The following ADGRV1 variants were observed in gnomAD, a reference collection of about 807,000 sequenced individuals.
The protein encoded by ADGRV1 is G-protein coupled receptor 98.
ADGRV1 carries 359 observed loss-of-function variants against 596.2 expected under a neutral mutation model. The observed-to-expected ratio is 0.60, with a 90% CI of 0.55 to 0.66. The LOEUF (loss-of-function observed/expected upper bound fraction) is 0.66, where lower values mean the gene tolerates loss of function less well. Ranked by LOEUF, ADGRV1 falls within the 30% of genes least tolerant of loss-of-function variation. The pLI, the probability that ADGRV1 is intolerant of heterozygous loss-of-function variation, is 0.00. For missense variants in ADGRV1, 7,274 were observed against 7,575.6 expected (o/e 0.96, Z 1.48); for synonymous variants, 2,681 against 2,679.2 (o/e 1.00, Z -0.02).
intron 84 of ADGRV1, among the ~76,000 whole-genome samples, chr5:90,974,943 C>T (rs6889021): frequency 0.5 from 76,062 of 151,884 alleles, 20,646 homozygotes; most frequent in African/African-American, 0.71. Context: ...AGTTTTGCAA[C>T]CTACTCATCT....
intron 82 of ADGRV1, among the ~76,000 whole-genome samples, chr5:90,858,101 A>G (rs1328227968): frequency 6.6e-6 from 1 of 152,202 alleles, no homozygotes; most frequent in Non-Finnish European, 1.5e-5. Context: ...AGAAAAGGGC[A>G]TATACCTGTG....
intron 85 of ADGRV1, among the ~76,000 whole-genome samples, chr5:91,015,753 C>G (rs554027741): frequency 4.0e-5 from 6 of 151,886 alleles, no homozygotes; most frequent in Non-Finnish European, 8.8e-5. Context: ...TTCCATCTCT[C>G]TATTTTGAGC....
At chr5:90,982,921 C>T (rs1780200635) in intron 84 of ADGRV1, among the ~76,000 whole-genome samples, 1 of 152,180 alleles carries the variant, frequency 6.6e-6, no homozygotes, top group Non-Finnish European at 1.5e-5. Flanking sequence ...TACCACACTA[C>T]ATTAAAATAA....
intron 83 of ADGRV1, among the ~76,000 whole-genome samples, chr5:90,877,585 G>GT (rs72003963): frequency 0.037 from 5,237 of 139,986 alleles, 149 homozygotes; most frequent in South Asian, 0.15. Context: ...TCAGTGTGTG[G>GT]TTTTTTTTTT....
intron 85 of ADGRV1, among the ~76,000 whole-genome samples, chr5:91,016,253 G>A (rs1282053795): frequency 6.6e-6 from 1 of 151,916 alleles, no homozygotes; most frequent in Non-Finnish European, 1.5e-5. Context: ...GTTTTTTAAG[G>A]ATTTATTCAT....
At position 91,138,283 on chromosome 5, in the gene ADGRV1, A is replaced by G. The variant is rs190844310; in HGVS notation, c.18433-11747A>G. 1.9e-3 allele frequency among the ~76,000 whole-genome samples: 288 copies of G among 151,490 alleles called. 3 individuals carry two copies. The highest frequency in any genetic ancestry group is 0.016 in the Admixed American group (251 of 15,242). ...AGAAATTGTAATTTTACAAAAGTTT[A>G]TATCCAAGCTGGAGTGGTTATTTCT... On this transcript the variant is annotated intron_variant, in intron 87 of 89. Coordinates refer to ENST00000405460, the MANE Select transcript of ADGRV1 (RefSeq NM_032119.4).
chr5:90,638,147 G>A (rs1766479610), intron 11 of ADGRV1, among the ~76,000 whole-genome samples, 199 bp downstream of exon 11: 1 of 151,388 alleles, frequency 6.6e-6, no homozygotes, highest in African/African-American at 2.4e-5. Context: ...ATCTTTCAGT[G>A]AATTTTTACC....
intron 83 of ADGRV1, among the ~76,000 whole-genome samples, chr5:90,940,573 C>G (rs1298912815): frequency 2.0e-5 from 3 of 151,904 alleles, no homozygotes; most frequent in African/African-American, 7.3e-5. Context: ...TTTCAGGTAA[C>G]CAGGTCAATA....
At chr5:90,958,926 A>C (rs1777737713) in intron 83 of ADGRV1, among the ~76,000 whole-genome samples, 1 of 152,178 alleles carries the variant, frequency 6.6e-6, no homozygotes, top group African/African-American at 2.4e-5. Context: ...ATTAGAAACA[A>C]AACAAAGATG....
intron 74 of ADGRV1, 43 bp downstream of exon 74, chr5:90,811,381 T>A: frequency 1.4e-6 from 2 of 1,477,792 alleles, no homozygotes; most frequent in Non-Finnish European, 1.8e-6. Context: ...ACTTTTATGG[T>A]ACATAATTTG....
In ADGRV1 at chr5:91,054,100, T is replaced by TGA. The variant is rs1235694348; in HGVS notation, c.18153-18346_18153-18345insAG. 2.2e-3 allele frequency among the ~76,000 whole-genome samples: 235 copies of TGA among 108,264 alleles called. 1 individual carries two copies. The highest frequency in any genetic ancestry group is 6.3e-3 in the African/African-American group (184 of 29,102). 71.0% of individuals were successfully genotyped at this position (108,264 alleles called of 152,430 possible). On this transcript the variant is annotated intron_variant, in intron 85 of 89. Transcript: ENST00000405460. ...GTGTGTGTGTGTGTGTGTGTGTGTG[T>TGA]GTGAGAGAGAGAGAGAGAGAGAGAG...
intron 85 of ADGRV1, among the ~76,000 whole-genome samples, chr5:90,998,107 T>C (rs1781562594): frequency 6.6e-6 from 1 of 152,234 alleles, no homozygotes; most frequent in Non-Finnish European, 1.5e-5. Flanking sequence ...CCTTTTCTTC[T>C]GCACTCATGT....
At position 90,908,796 on chromosome 5, in the gene ADGRV1, C is replaced by G. The variant is rs1772563327; in HGVS notation, c.17856+44939C>G. Among the ~76,000 whole-genome samples the G allele has an allele frequency of 2.6e-5, 4 of 152,254 alleles. No homozygotes were observed. In the South Asian group the frequency reaches 8.3e-4, roughly 32 times the overall value. ...AAGTGTAACATGAATCCATAGCTCT[C>G]CAGGTGTTTGGAATCTCTTTGGAGG... On this transcript the variant is annotated intron_variant, in intron 83 of 89. Coordinates refer to ENST00000405460, the MANE Select transcript of ADGRV1 (RefSeq NM_032119.4).
At chr5:91,016,705 A>T (rs1207650551) in intron 85 of ADGRV1, among the ~76,000 whole-genome samples, 1 of 151,944 alleles carries the variant, frequency 6.6e-6, no homozygotes, top group Non-Finnish European at 1.5e-5. Context: ...ATGGAATAAA[A>T]GATAATGTGA....
intron 43 of ADGRV1, among the ~76,000 whole-genome samples, chr5:90,718,806 AC>A (rs1750511288): frequency 6.6e-6 from 1 of 151,206 alleles, no homozygotes; most frequent in Non-Finnish European, 1.5e-5. Context: ...TTTTACTGTG[AC>A]TTTTTTCATA....
At chr5:90,613,476 T>A (rs1762960571) in intron 1 of ADGRV1, among the ~76,000 whole-genome samples, 1 of 152,100 alleles carries the variant, frequency 6.6e-6, no homozygotes, top group Non-Finnish European at 1.5e-5. Context: ...TTCCTTTCTT[T>A]CCATGAACAT....
At chr5:90,813,471 C>T (rs1175988607) in intron 74 of ADGRV1, among the ~76,000 whole-genome samples, 1 of 152,158 alleles carries the variant, frequency 6.6e-6, no homozygotes, top group Non-Finnish European at 1.5e-5. Context: ...ACAATATAGC[C>T]TACCAGTGCC....
At chr5:90,869,448 T>C (rs1175659397) in intron 83 of ADGRV1, among the ~76,000 whole-genome samples, 2 of 152,048 alleles carry the variant, frequency 1.3e-5, no homozygotes, top group African/African-American at 2.4e-5. Context: ...GAAAGGAGTA[T>C]TTTTAAGGAT....
chr5:90,729,875 T>C (rs1752315443), intron 50 of ADGRV1, 111 bp downstream of exon 50: 5 of 1,141,006 alleles, frequency 4.4e-6, no homozygotes, highest in South Asian at 4.3e-5. Context: ...TGGGTATTTT[T>C]TTTTTTTTGG....
Sources: gnomAD v4.1 joint callset for allele counts (sites outside exome capture counted in the v4.1 genomes callset) on GRCh38, gnomAD v4.1.1 for gene constraint, MANE v1.5 for transcripts, NCBI Gene and HGNC (gene_info 2026-07-23, HGNC 2026-07-21) for gene names.